The following GNS variants were observed in gnomAD, a reference collection of about 807,000 sequenced individuals.
GNS encodes glucosamine (N-acetyl)-6-sulfatase.
A neutral mutation model predicts 69.7 loss-of-function variants in GNS; 40 were observed. The observed-to-expected ratio is 0.57, with a 90% CI of 0.45 to 0.75. The LOEUF (loss-of-function observed/expected upper bound fraction) is 0.75. Ranked by LOEUF, GNS falls within the 30% of genes least tolerant of loss-of-function variation. The probability of loss-of-function intolerance (pLI) is 0.00; values close to 1 mark genes in which losing one functional copy is unlikely to be tolerated. For synonymous variants in GNS, 243 were observed against 251.6 expected (o/e 0.97, Z 0.32); for missense variants, 565 against 685.5 (o/e 0.82, Z 1.96).
At chr12:64,755,365 G>A (rs1464591523) in intron 1 of GNS, among the ~76,000 whole-genome samples, 1 of 151,946 alleles carries the variant, frequency 6.6e-6, no homozygotes, top group Non-Finnish European at 1.5e-5. Flanking sequence ...ATCACTTGAG[G>A]TCAAGAGTTC....
chr12:64,733,681 A>G lies in GNS; in HGVS notation c.1098+3323T>C, dbSNP rs1338386922. Among the ~76,000 whole-genome samples, 3 of 152,210 alleles carry G rather than the reference A, an allele frequency of 2.0e-5. No individual in the cohort carries two copies. In the East Asian group the frequency reaches 5.8e-4, roughly 29 times the overall value. ...TGGTTCCACCTGATAATGGAGGCTT[A>G]ACATCCTCTTACTTTTACAAAAGTA... On this transcript the variant is annotated intron_variant, in intron 9 of 13. Transcript: ENST00000258145.
chr12:64,720,010 A>C lies in GNS; in HGVS notation c.1580+12T>G, dbSNP rs1197721450. ...AAACTTGGCCAAGTAAATGAAGAGA[A>C]AGGAAACTTACCCGGGGTCAAAAAC... On this transcript the variant is annotated intron_variant, in intron 13 of 13. Coordinates refer to ENST00000258145, the MANE Select transcript of GNS (RefSeq NM_002076.4). 2 of 1,606,390 alleles carry C rather than the reference A, an allele frequency of 1.2e-6. No homozygotes were observed. The highest frequency in any genetic ancestry group is 1.3e-5 in the African/African-American group (1 of 74,744).
chr12:64,754,388 T>C (rs1246065729), intron 1 of GNS, among the ~76,000 whole-genome samples: 3 of 152,100 alleles, frequency 2.0e-5, no homozygotes, highest in Admixed American at 6.5e-5. Context: ...AGCCATGCGA[T>C]GAGGAGTCAG....
At chr12:64,724,842 C>T (rs1869144044) in intron 10 of GNS, among the ~76,000 whole-genome samples, 1 of 152,154 alleles carries the variant, frequency 6.6e-6, no homozygotes, top group Non-Finnish European at 1.5e-5. Context: ...GCCTAGGTGA[C>T]AGAGCGAGAC....
chr12:64,737,183 C>A, intron 8 of GNS, 76 bp from the exon 9 acceptor site: 1 of 847,150 alleles, frequency 1.2e-6, no homozygotes. Flanking sequence ...CTCATTTAAT[C>A]CACAGCCAAA....
intron 8 of GNS, among the ~76,000 whole-genome samples, chr12:64,738,595 C>A (rs977020682): frequency 6.6e-6 from 1 of 152,050 alleles, no homozygotes; most frequent in Non-Finnish European, 1.5e-5. Context: ...GGCAGATTAC[C>A]TGAGGTCAGG....
rs780928340 is a variant in GNS, at chr12:64,737,049, T to C, written c.1053A>G (p.Pro351=). 1.2e-6 allele frequency: 2 copies of C among 1,606,244 alleles called. No individual in the cohort carries two copies. The highest frequency in any genetic ancestry group is 2.2e-5 in the South Asian group (2 of 90,932). Residue 351 remains proline, a synonymous_variant, in exon 9 of 14, where the codon CCA becomes CCG. Transcript: ENST00000258145. Reference sequence around the variant, plus strand: ...TGATCCCAGGTCCTCGAACCAACAGTGGAACTTTGATATCAAACTCATACA... The same window carrying C: ...TGATCCCAGGTCCTCGAACCAACAGCGGAACTTTGATATCAAACTCATACA... ...RQLYEFDIKV[P]LLVRGPGIKP...
At chr12:64,756,556 A>G in intron 1 of GNS, 1 of 589,320 alleles carries the variant, frequency 1.7e-6, no homozygotes, top group Non-Finnish European at 3.0e-6. Flanking sequence ...ATATGAACTT[A>G]GTCATGTCAC....
chr12:64,732,153 A>ATTTTTTTTTTTTTTTTTTTTTTTT (rs1210247666), intron 9 of GNS, among the ~76,000 whole-genome samples: 1 of 88,754 alleles, frequency 1.1e-5, no homozygotes, highest in Non-Finnish European at 2.1e-5. Flanking sequence ...CACCTGGCTA[A>ATTTTTTTTTTTTTTTTTTTTTTTT]TTTTTTTTTT....
Position 64,738,591 on chromosome 12 carries a change from T to A in GNS, c.994+790A>T, listed in dbSNP as rs1015867035. Among the ~76,000 whole-genome samples, 7 of 152,060 alleles carry A rather than the reference T, an allele frequency of 4.6e-5. No individual in the cohort carries two copies. The South Asian group carries it at 1.2e-3, about 27-fold the overall frequency. The stretch of plus-strand genomic sequence containing the variant: ...ACTTAGGGAGGCTGAGGTAGGCAGA[T>A]TACCTGAGGTCAGGAGTTCAAGACC... On this transcript the variant is annotated intron_variant, in intron 8 of 13. Transcript: ENST00000258145.
intron 10 of GNS, among the ~76,000 whole-genome samples, chr12:64,724,302 T>G (rs150862173): frequency 2.6e-5 from 4 of 152,316 alleles, no homozygotes; most frequent in Admixed American, 2.6e-4. Flanking sequence ...CTAACGTAGG[T>G]AGACAGCAAC....
At chr12:64,731,869 A>G (rs1355534718) in intron 9 of GNS, among the ~76,000 whole-genome samples, 1 of 152,204 alleles carries the variant, frequency 6.6e-6, no homozygotes, top group Non-Finnish European at 1.5e-5. Context: ...TCAGGAGGCC[A>G]AGGCTGCAGT....
At position 64,756,035 on chromosome 12, in the gene GNS, GT is replaced by G. The variant is rs1267769200; in HGVS notation, c.192+3049del. On this transcript the variant is annotated intron_variant, in intron 1 of 13. Coordinates refer to ENST00000258145, the MANE Select transcript of GNS (RefSeq NM_002076.4). ...AGTGTGTCCACCACACTATAATGAT[GT>G]TTAAATAAAATCAAGAAAGTGATAA... Among the ~76,000 whole-genome samples, 9 of 152,178 alleles carry G rather than the reference GT, an allele frequency of 5.9e-5. No individual in the cohort carries two copies. In the East Asian group the frequency reaches 1.5e-3, roughly 26 times the overall value.
At chr12:64,735,895 A>G (rs1472785295) in intron 9 of GNS, among the ~76,000 whole-genome samples, 1 of 152,256 alleles carries the variant, frequency 6.6e-6, no homozygotes, top group African/African-American at 2.4e-5. Context: ...TACCCTTCCA[A>G]GAGAATTTTA....
rs191598266 is a variant in GNS, at chr12:64,737,250, C to T, written c.995-143G>A. The T allele has an allele frequency of 5.6e-4, 382 of 679,066 alleles. 1 individual carries two copies. The highest frequency in any genetic ancestry group is 8.5e-4 in the Non-Finnish European group (317 of 374,248). 42.1% of individuals were successfully genotyped at this position (679,066 alleles called of 1,614,324 possible). A position where few individuals can be genotyped will look rare whatever the true frequency, so the allele number is the denominator to read the frequency against. ...GTTTTAATAGAAAGCTGAAATTTGC[C>T]TGGGTCTCTTGTTACTACAAGGCAG... On this transcript the variant is annotated intron_variant, in intron 8 of 13. Coordinates refer to ENST00000258145, the MANE Select transcript of GNS (RefSeq NM_002076.4).
At chr12:64,719,506 A>G (rs1200900655) in intron 13 of GNS, among the ~76,000 whole-genome samples, 3 of 152,200 alleles carry the variant, frequency 2.0e-5, no homozygotes, top group Non-Finnish European at 4.4e-5. Flanking sequence ...AACATCCTTT[A>G]TACCTCCATA....
At chr12:64,732,296 T>C (rs1403937008) in intron 9 of GNS, among the ~76,000 whole-genome samples, 1 of 151,052 alleles carries the variant, frequency 6.6e-6, no homozygotes, top group Non-Finnish European at 1.5e-5. Flanking sequence ...GCCTCCCAAG[T>C]AGCTGGGACT....
In GNS at chr12:64,753,465, G is replaced by A. The variant is rs113444397; in HGVS notation, c.193-708C>T. ...AGTATGAAGACAGTCATTTAAATACGAATAAAAGGAACACTAATATTCTTC... is the reference window on the plus strand; with the variant it reads ...AGTATGAAGACAGTCATTTAAATACAAATAAAAGGAACACTAATATTCTTC... On this transcript the variant is annotated intron_variant, in intron 1 of 13. Transcript: ENST00000258145. 2.2e-4 allele frequency among the ~76,000 whole-genome samples: 33 copies of A among 152,228 alleles called. 2 individuals are homozygous for A. Among genetic ancestry groups the A allele is most frequent in the African/African-American group, 7.0e-4 (29 of 41,546 alleles).
At chr12:64,718,700 AC>A (rs1868936587) in intron 13 of GNS, among the ~76,000 whole-genome samples, 1 of 152,202 alleles carries the variant, frequency 6.6e-6, no homozygotes, top group Admixed American at 6.5e-5. Context: ...CAGTCCCTTG[AC>A]CCTCCATTTA....
Sources: allele counts gnomAD v4.1 joint callset (sites outside exome capture counted in the v4.1 genomes callset), GRCh38; gene constraint gnomAD v4.1.1; transcripts MANE v1.5; gene names NCBI Gene and HGNC (gene_info 2026-07-23, HGNC 2026-07-21).